The following HERC5 variants were observed in gnomAD, a reference collection of about 807,000 sequenced individuals.
HERC5 encodes the protein E3 ISG15--protein ligase HERC5.
In HERC5, 99 loss-of-function variants were observed where a neutral mutation model predicts 119.6. The observed-to-expected ratio is 0.83, with a 90% CI of 0.70 to 0.98. The LOEUF is 0.98. HERC5 is among the 50% of genes least tolerant of loss of function. The pLI is 0.00. For synonymous variants in HERC5, 478 were observed against 445.9 expected (o/e 1.07, Z -0.91); for missense variants, 1,267 against 1,241.3 (o/e 1.02, Z -0.31).
At chr4:88,462,798 C>G (rs1406175902) in intron 4 of HERC5, among the ~76,000 whole-genome samples, 2 of 152,180 alleles carry the variant, frequency 1.3e-5, no homozygotes, top group East Asian at 3.8e-4. Flanking sequence ...CTCACATATC[C>G]TGATCTTATT....
chr4:88,486,255 A>T (rs1741460807), intron 14 of HERC5, 27 bp downstream of exon 14: 2 of 1,344,738 alleles, frequency 1.5e-6, no homozygotes, highest in Non-Finnish European at 2.1e-6. Flanking sequence ...TAAAGGGGGA[A>T]ATTGATAATC....
chr4:88,502,039 C>T (rs1412217549), intron 20 of HERC5, among the ~76,000 whole-genome samples: 6 of 152,312 alleles, frequency 3.9e-5, no homozygotes, highest in Middle Eastern at 3.4e-3. Flanking sequence ...ACCTCATGAT[C>T]CACCCACCTT....
At chr4:88,498,326 G>A (rs373036897) in intron 18 of HERC5, among the ~76,000 whole-genome samples, 3 of 152,188 alleles carry the variant, frequency 2.0e-5, no homozygotes, top group African/African-American at 7.2e-5. Context: ...GAGCCTCTAG[G>A]GGTGGGCTTT....
At chr4:88,480,752 C>G (rs1300897360) in intron 13 of HERC5, among the ~76,000 whole-genome samples, 1 of 152,050 alleles carries the variant, frequency 6.6e-6, no homozygotes, top group African/African-American at 2.4e-5. Flanking sequence ...TTGTATTTCC[C>G]TGGTTCAAAT....
At chr4:88,476,119 A>T in intron 12 of HERC5, 89 bp downstream of exon 12, 1 of 1,028,536 alleles carries the variant, frequency 9.7e-7, no homozygotes, top group Non-Finnish European at 1.4e-6. Flanking sequence ...GATACTTAGA[A>T]ATGTATTCAT....
chr4:88,503,832 C>T (rs183033262), intron 20 of HERC5, among the ~76,000 whole-genome samples: 3 of 152,080 alleles, frequency 2.0e-5, no homozygotes, highest in Non-Finnish European at 4.4e-5. Flanking sequence ...TTTGGGAGGC[C>T]GAGGCAGGCA....
At chr4:88,503,744 A>G (rs1018696276) in intron 20 of HERC5, among the ~76,000 whole-genome samples, 1 of 152,126 alleles carries the variant, frequency 6.6e-6, no homozygotes, top group African/African-American at 2.4e-5. Flanking sequence ...TATATATGTT[A>G]TAAGCAGCAT....
At chr4:88,457,721 C>A (rs1271538403) in intron 1 of HERC5, among the ~76,000 whole-genome samples, 187 bp downstream of exon 1, 1 of 152,208 alleles carries the variant, frequency 6.6e-6, no homozygotes, top group East Asian at 1.9e-4. Context: ...CAGTGTCAGG[C>A]GCGGGGTGAG....
At position 88,462,185 on chromosome 4, in the gene HERC5, G is replaced by T. The variant is rs1183285575; in HGVS notation, c.517G>T (p.Gly173Ter). The T allele has an allele frequency of 6.2e-7, 1 of 1,614,116 alleles. No individual in the cohort carries two copies. The highest frequency in any genetic ancestry group is 2.2e-5 in the East Asian group (1 of 44,884). The change falls in exon 4 of 23, where the codon GGA (glycine) becomes TGA (stop). Residue 173 changes from glycine to a stop codon, truncating the protein, a stop_gained. Transcript: ENST00000264350. LOFTEE classifies it high-confidence loss of function. Reference protein sequence around the residue: ...GQNLHGQLGVGRKFPSTTTPQ... With the variant: ...GQNLHGQLGV ...GAACCTGCATGGGCAGCTTGGAGTT[G>T]GAAGGAAATTTCCCTCAACCACCAC...
Position 88,479,359 on chromosome 4 carries a change from AT to A in HERC5, c.1591del (p.Trp531GlyfsTer41), listed in dbSNP as rs865861176. 1.9e-6 allele frequency: 3 copies of A among 1,595,946 alleles called. No individual in the cohort carries two copies. Among genetic ancestry groups the A allele is most frequent in the African/African-American group, 2.7e-5 (2 of 73,616 alleles). On this transcript the variant is annotated frameshift_variant, in exon 13 of 23. Coordinates refer to ENST00000264350, the MANE Select transcript of HERC5 (RefSeq NM_016323.4). LOFTEE classifies it high-confidence loss of function. ...CTTTCCTTGTGTTCCTCAGAAGAGT[AT>A]TGGGCAACTCTGCAAGAATCCACTT... ...SDQSSLVLEEYWATLQESTFS... is the reference protein window; with the variant it reads ...SDQSSLVLEEXWATLQESTFS...
rs1321593232 is a variant in HERC5 at position 88,469,164 on chromosome 4, A to G, written c.1142A>G (p.Tyr381Cys). Residue 381 changes from tyrosine (Y) to cysteine (C), a missense_variant, in exon 9 of 23, where the codon TAT becomes TGT. By Grantham distance (194) the Tyr-to-Cys change is radical. Around this residue, in one of 3 missense-constraint regions of HERC5, gnomAD observed 777 missense variants for 758.0 expected, o/e 1.03. Transcript: ENST00000264350. ...ILLWIKKENS[Y>C]VNLKRTIPTL... ...TTTCCTGTTTGTTTACAGAATTCATATGTTAATCTGAAGAGGACAATTCCT... is the reference window on the plus strand; with the variant it reads ...TTTCCTGTTTGTTTACAGAATTCATGTGTTAATCTGAAGAGGACAATTCCT... The G allele has an allele frequency of 5.0e-6, 8 of 1,602,148 alleles. No individual in the cohort carries two copies. Among genetic ancestry groups the G allele is most frequent in the Non-Finnish European group, 6.8e-6 (8 of 1,170,452 alleles).
Position 88,479,387 on chromosome 4 carries a change from C to T in HERC5, c.1617C>T (p.Phe539=). ...GGGCAACTCTGCAAGAATCCACTTT[C>T]AGCAAACTGGTCCAGATGTTTAAAA... ...EYWATLQEST[F]SKLVQMFKTA... The change falls in exon 13 of 23, where the codon TTC becomes TTT. Residue 539 remains phenylalanine (F), a synonymous_variant. Coordinates refer to ENST00000264350, the MANE Select transcript of HERC5 (RefSeq NM_016323.4). The T allele has an allele frequency of 6.2e-7, 1 of 1,609,430 alleles. No homozygotes were observed. Among genetic ancestry groups the T allele is most frequent in the South Asian group, 1.1e-5 (1 of 89,958 alleles).
chr4:88,491,914 A>G (rs746222700), intron 16 of HERC5, among the ~76,000 whole-genome samples: 13 of 152,168 alleles, frequency 8.5e-5, no homozygotes, highest in Non-Finnish European at 1.6e-4. Flanking sequence ...TGGTGTCAGC[A>G]GTAGGGGTGC....
chr4:88,469,998 G>C (rs1457334499), intron 9 of HERC5, among the ~76,000 whole-genome samples: 2 of 152,084 alleles, frequency 1.3e-5, no homozygotes, highest in Non-Finnish European at 2.9e-5. Context: ...GTTATTCTTA[G>C]CTGAACAATT....
rs78893196 is a variant in HERC5 at position 88,494,374 on chromosome 4, T to C, written c.2444+43T>C. On this transcript the variant is annotated intron_variant, in intron 18 of 22. Coordinates refer to ENST00000264350, the MANE Select transcript of HERC5 (RefSeq NM_016323.4). ...CTGAGAAAGGACCCTTTCTAACATATATTTAGGCAAATATTTAAGTACACA... is the reference window on the plus strand; with the variant it reads ...CTGAGAAAGGACCCTTTCTAACATACATTTAGGCAAATATTTAAGTACACA... The C allele has an allele frequency of 1.4e-3, 2,170 of 1,520,870 alleles. 32 individuals carry two copies. In the African/African-American group the frequency reaches 0.023, roughly 16 times the overall value. 94.2% of individuals were successfully genotyped at this position (1,520,870 alleles called of 1,614,324 possible). A position where few individuals can be genotyped will look rare whatever the true frequency, so the allele number is the denominator to read the frequency against.
chr4:88,467,168 C>G lies in HERC5; in HGVS notation c.1021C>G (p.Pro341Ala). The G allele has an allele frequency of 6.2e-7, 1 of 1,614,112 alleles. No individual in the cohort carries two copies. Among genetic ancestry groups the G allele is most frequent in the Non-Finnish European group, 8.5e-7 (1 of 1,179,994 alleles). Residue 341 changes from proline (P) to alanine (A), a missense_variant, in exon 7 of 23, where the codon CCA (proline) becomes GCA (alanine). Physicochemically the swap from Pro to Ala is conservative, Grantham distance 27. Transcript: ENST00000264350. ...GGTRDQLMPLPVKVSSSEELK... is the reference protein window; with the variant it reads ...GGTRDQLMPLAVKVSSSEELK... Reference sequence around the variant, plus strand: ...AACACGTGACCAGCTGATGCCGCTTCCAGTGAAAGTATCATCAAGTGAAGA... The same window carrying G: ...AACACGTGACCAGCTGATGCCGCTTGCAGTGAAAGTATCATCAAGTGAAGA...
At chr4:88,464,057 C>A in intron 6 of HERC5, 72 bp downstream of exon 6, 2 of 1,322,078 alleles carry the variant, frequency 1.5e-6, no homozygotes, top group Non-Finnish European at 2.1e-6. Flanking sequence ...AATAAAATTT[C>A]TTTCAGTTTC....
chr4:88,496,147 G>A (rs1174194437), intron 18 of HERC5, among the ~76,000 whole-genome samples: 2 of 152,140 alleles, frequency 1.3e-5, no homozygotes, highest in African/African-American at 4.8e-5. Context: ...TCTTAATAAT[G>A]TTATGAAAAT....
intron 3 of HERC5, 70 bp downstream of exon 3, chr4:88,460,241 G>A: frequency 4.1e-6 from 3 of 724,396 alleles, no homozygotes; most frequent in Non-Finnish European, 7.0e-6. Flanking sequence ...CCAGTAGAAT[G>A]TCTATATTTC....
Sources: allele counts gnomAD v4.1 joint callset (sites outside exome capture counted in the v4.1 genomes callset), GRCh38; gene constraint gnomAD v4.1.1; regional missense constraint gnomAD v4.1.1; transcripts MANE v1.5; gene names NCBI Gene and HGNC (gene_info 2026-07-23, HGNC 2026-07-21).